FOXP1: variants seen among roughly 807,000 people sequenced by gnomAD.
FOXP1 encodes forkhead box P1, also known as forkhead box protein P1.
A neutral mutation model predicts 98.2 loss-of-function variants in FOXP1; 15 were observed. The observed-to-expected ratio is 0.15, with a 90% confidence interval of 0.10 to 0.24. The LOEUF is 0.24. Among genes scored for constraint, FOXP1 ranks in the 10% least tolerant of loss-of-function variants. The pLI, the probability that FOXP1 is intolerant of heterozygous loss-of-function variation, is 1.00. For missense variants in FOXP1, 633 were observed against 848.5 expected (o/e 0.75, Z 3.15); for synonymous variants, 371 against 314.5 (o/e 1.18, Z -1.90).
chr3:71,512,004 T>C (rs2042237406), intron 2 of FOXP1, among the ~76,000 whole-genome samples: 1 of 152,182 alleles, frequency 6.6e-6, no homozygotes, highest in Non-Finnish European at 1.5e-5. Context: ...TAGTCAACAT[T>C]TACTTTGTGC....
intron 5 of FOXP1, among the ~76,000 whole-genome samples, chr3:71,246,214 G>A (rs2067734953): frequency 6.6e-6 from 1 of 152,144 alleles, no homozygotes; most frequent in Non-Finnish European, 1.5e-5. Flanking sequence ...GTTTCCCCAT[G>A]AGATCAGCCA....
intron 2 of FOXP1, among the ~76,000 whole-genome samples, chr3:71,525,405 T>C (rs1399506115): frequency 6.6e-6 from 1 of 152,220 alleles, no homozygotes; most frequent in Non-Finnish European, 1.5e-5. Context: ...AAGGCAGTGG[T>C]TTCACTGGCT....
At chr3:71,037,505 G>A (rs1044463055) in intron 11 of FOXP1, among the ~76,000 whole-genome samples, 4 of 152,016 alleles carry the variant, frequency 2.6e-5, no homozygotes, top group African/African-American at 4.8e-5. Flanking sequence ...CTAAGAAGTC[G>A]AGACTCTCTG....
Position 70,959,088 on chromosome 3 carries a change from A to T in FOXP1, c.*159T>A, listed in dbSNP as rs2032555874. 2.5e-6 allele frequency: 2 copies of T among 788,924 alleles called. No homozygotes were observed. Among genetic ancestry groups the T allele is most frequent in the Non-Finnish European group, 4.1e-6 (2 of 489,498 alleles). The allele number at this position is 788,924 out of a possible 1,614,324, so 48.9% of individuals were successfully genotyped here. A position where few individuals can be genotyped will look rare whatever the true frequency, so the allele number is the denominator to read the frequency against. Reference sequence around the variant, plus strand: ...AAAATACTCCCAAATGGGGTTCTTGATGGCACTAAGAGTTAACACATTTCA... The same window carrying T: ...AAAATACTCCCAAATGGGGTTCTTGTTGGCACTAAGAGTTAACACATTTCA... On this transcript the variant is annotated 3_prime_UTR_variant, in exon 21 of 21. Transcript: ENST00000649528.
intron 11 of FOXP1, among the ~76,000 whole-genome samples, chr3:71,026,791 G>A (rs2046176552): frequency 6.6e-6 from 1 of 152,228 alleles, no homozygotes; most frequent in Non-Finnish European, 1.5e-5. Flanking sequence ...TATTTATGTG[G>A]CATAGCAGGA....
chr3:71,425,243 G>A (rs978630167), intron 3 of FOXP1, among the ~76,000 whole-genome samples: 6 of 152,130 alleles, frequency 3.9e-5, no homozygotes, highest in Non-Finnish European at 4.4e-5. Context: ...AGCCTCCTGC[G>A]TAGCTGGGAT....
At chr3:71,220,124 A>G (rs561320392) in intron 5 of FOXP1, among the ~76,000 whole-genome samples, 38 of 152,352 alleles carry the variant, frequency 2.5e-4, no homozygotes, top group African/African-American at 7.9e-4. Context: ...AGTAATCATT[A>G]TACTACATTC....
intron 12 of FOXP1, among the ~76,000 whole-genome samples, chr3:71,002,458 G>A (rs1224744777): frequency 7.2e-5 from 11 of 152,138 alleles, no homozygotes; most frequent in Non-Finnish European, 1.3e-4. Flanking sequence ...AAGAGTAAAT[G>A]AACAAACAAT....
Position 70,959,141 on chromosome 3 carries a change from C to G in FOXP1, c.*106G>C, listed in dbSNP as rs1270608797. The G allele has an allele frequency of 7.4e-6, 10 of 1,350,108 alleles. No individual in the cohort carries two copies. The highest frequency in any genetic ancestry group is 1.1e-5 in the Non-Finnish European group (10 of 949,612). The allele number at this position is 1,350,108 out of a possible 1,614,324, so 83.6% of individuals were successfully genotyped here. ...GTTGTCAAAACGTAGTGAAAATCCT[C>G]CAGACTGTACAACAAATGGAGAACA... On this transcript the variant is annotated 3_prime_UTR_variant, in exon 21 of 21. Coordinates refer to ENST00000649528, the MANE Select transcript of FOXP1 (RefSeq NM_001349338.3).
intron 5 of FOXP1, among the ~76,000 whole-genome samples, chr3:71,214,881 G>T (rs2064802125): frequency 6.6e-6 from 1 of 152,144 alleles, no homozygotes; most frequent in East Asian, 1.9e-4. Flanking sequence ...TCATGACAAG[G>T]GTTTCCAATA....
intron 3 of FOXP1, among the ~76,000 whole-genome samples, chr3:71,430,403 T>G (rs1037521547): frequency 6.6e-6 from 1 of 152,030 alleles, no homozygotes; most frequent in Non-Finnish European, 1.5e-5. Context: ...AGATGACAAA[T>G]TGGTAGCTTT....
intron 13 of FOXP1, among the ~76,000 whole-genome samples, chr3:70,996,174 G>A (rs182981658): frequency 6.5e-4 from 99 of 152,162 alleles, no homozygotes; most frequent in Non-Finnish European, 1.0e-3. Flanking sequence ...TTAGAGATGG[G>A]GTAATCTCCA....
intron 13 of FOXP1, among the ~76,000 whole-genome samples, chr3:70,995,030 A>AT (rs61296076): frequency 7.4e-4 from 108 of 145,616 alleles, no homozygotes; most frequent in Middle Eastern, 3.6e-3. Flanking sequence ...TGTTTTTTGT[A>AT]TTTTTTTTTT....
chr3:71,502,671 T>C (rs923729002), intron 2 of FOXP1, among the ~76,000 whole-genome samples: 11 of 152,158 alleles, frequency 7.2e-5, no homozygotes, highest in African/African-American at 2.2e-4. Context: ...ATATTCATAA[T>C]GATGATGTTA....
chr3:71,034,867 C>T (rs1434090072), intron 11 of FOXP1, among the ~76,000 whole-genome samples: 1 of 152,162 alleles, frequency 6.6e-6, no homozygotes, highest in African/African-American at 2.4e-5. Context: ...GTAAGAATGG[C>T]AAGTCACTAG....
In FOXP1 at chr3:71,068,422, G is replaced by A. The variant is rs115949301; in HGVS notation, c.283-14649C>T. On this transcript the variant is annotated intron_variant, in intron 7 of 20. Coordinates refer to ENST00000649528, the MANE Select transcript of FOXP1 (RefSeq NM_001349338.3). ...AGAGTCAGGAGGAGCGTCTCCTCAG[G>A]ACATTATTCCATACACTGATGAATG... Among the ~76,000 whole-genome samples, 483 of 152,314 alleles carry A rather than the reference G, an allele frequency of 3.2e-3. 1 individual carries two copies. Among genetic ancestry groups the A allele is most frequent in the African/African-American group, 0.011 (461 of 41,572 alleles).
intron 5 of FOXP1, among the ~76,000 whole-genome samples, chr3:71,281,092 C>T (rs560186074): frequency 6.0e-5 from 9 of 149,628 alleles, no homozygotes; most frequent in Admixed American, 2.7e-4. Context: ...AGCCAGGCGT[C>T]GTGGTGCATG....
intron 7 of FOXP1, among the ~76,000 whole-genome samples, chr3:71,068,891 T>C (rs1338159283): frequency 6.6e-6 from 1 of 152,178 alleles, no homozygotes; most frequent in East Asian, 1.9e-4. Flanking sequence ...GGCAGCCAAT[T>C]AGAGTTACTA....
chr3:71,372,966 C>T (rs1039964150), intron 3 of FOXP1, among the ~76,000 whole-genome samples: 14 of 152,158 alleles, frequency 9.2e-5, no homozygotes, highest in Admixed American at 9.2e-4. Flanking sequence ...AAGGTAGGAT[C>T]CTTAACTCTT....
Sources: gnomAD v4.1 joint callset for allele counts (sites outside exome capture counted in the v4.1 genomes callset) on GRCh38, gnomAD v4.1.1 for gene constraint, MANE v1.5 for transcripts, NCBI Gene and HGNC (gene_info 2026-07-23, HGNC 2026-07-21) for gene names.